Variants in HNRNPM observed in about 807,000 individuals in gnomAD.
HNRNPM encodes the protein CEA receptor.
HNRNPM carries 11 observed loss-of-function variants against 73.1 expected under a neutral mutation model. That is an observed-to-expected ratio of 0.15 (90% confidence interval 0.09 to 0.25). HNRNPM has a LOEUF of 0.25. HNRNPM is among the 10% of genes least tolerant of loss of function. The pLI, the probability that HNRNPM is intolerant of heterozygous loss-of-function variation, is 1.00. For synonymous variants in HNRNPM, 407 were observed against 355.2 expected (o/e 1.15, Z -1.64); for missense variants, 789 against 1,067.9 (o/e 0.74, Z 3.64).
chr19:8,478,415 AG>A (rs1264783821), intron 12 of HNRNPM, among the ~76,000 whole-genome samples: 1 of 152,000 alleles, frequency 6.6e-6, no homozygotes, highest in Non-Finnish European at 1.5e-5. Context: ...GCATGGGTGG[AG>A]GACTTGAAAG....
At chr19:8,483,091 G>A in intron 12 of HNRNPM, 67 bp from the exon 13 acceptor site, 1 of 993,354 alleles carries the variant, frequency 1.0e-6, no homozygotes, top group Non-Finnish European at 1.6e-6. Flanking sequence ...TCTGGAATCT[G>A]TAATGAGCAC....
chr19:8,474,713 ACT>A (rs1970383055), intron 12 of HNRNPM, among the ~76,000 whole-genome samples: 3 of 104,338 alleles, frequency 2.9e-5, no homozygotes, highest in Non-Finnish European at 5.9e-5. Context: ...TCCTCCACCA[ACT>A]TTTTTTTTTT....
At position 8,485,860 on chromosome 19, in the gene HNRNPM, C is replaced by T; in HGVS notation, c.1432C>T (p.Arg478Cys). 3.7e-6 allele frequency: 6 copies of T among 1,603,052 alleles called. No homozygotes were observed. Among genetic ancestry groups the T allele is most frequent in the Non-Finnish European group, 4.2e-6 (5 of 1,179,480 alleles). ...SIERMGQTMERIGSGVERMGA... is the reference protein window; with the variant it reads ...SIERMGQTMECIGSGVERMGA... The stretch of plus-strand genomic sequence containing the variant: ...TGAGCGCATGGGCCAGACCATGGAG[C>T]GCATTGGCTCTGGCGTGGAGCGCAT... The change falls in exon 14 of 16, where the codon CGC (arginine) becomes TGC (cysteine). Residue 478 changes from arginine (R) to cysteine (C), a missense_variant. Around this residue, in one of 4 missense-constraint regions of HNRNPM, gnomAD observed 604 missense variants for 744.0 expected, o/e 0.81. Transcript: ENST00000325495.
chr19:8,463,380 C>A, intron 3 of HNRNPM, 117 bp from the exon 4 acceptor site: 1 of 1,193,460 alleles, frequency 8.4e-7, no homozygotes, highest in Non-Finnish European at 1.2e-6. Flanking sequence ...AAAAGACTAA[C>A]TTTGTGACAT....
At chr19:8,460,140 A>G (rs2145647009) in intron 2 of HNRNPM, among the ~76,000 whole-genome samples, 1 of 152,284 alleles carries the variant, frequency 6.6e-6, no homozygotes, top group East Asian at 1.9e-4. Flanking sequence ...TGCTCGTTAA[A>G]CTTCACTTCA....
intron 2 of HNRNPM, chr19:8,461,874 G>C (rs1401833879): frequency 6.6e-6 from 1 of 152,458 alleles, no homozygotes; most frequent in East Asian, 1.9e-4. Context: ...GCTGTGTGCA[G>C]GACCAGCTAT....
intron 9 of HNRNPM, among the ~76,000 whole-genome samples, chr19:8,470,575 G>A (rs1970061267): frequency 6.6e-6 from 1 of 152,074 alleles, no homozygotes; most frequent in African/African-American, 2.4e-5. Flanking sequence ...TGATCCACCC[G>A]CCTTGGCCTC....
chr19:8,474,091 G>GT (rs1211052681), intron 11 of HNRNPM, 76 bp from the exon 12 acceptor site: 4 of 1,078,106 alleles, frequency 3.7e-6, no homozygotes, highest in Non-Finnish European at 4.0e-6. Context: ...GTTGAAACAT[G>GT]TGATAGAATT....
intron 9 of HNRNPM, among the ~76,000 whole-genome samples, chr19:8,470,146 C>A (rs1970029767): frequency 6.6e-6 from 1 of 152,198 alleles, no homozygotes; most frequent in African/African-American, 2.4e-5. Context: ...GGTCTCCCGG[C>A]CATTTCGGAG....
intron 2 of HNRNPM, among the ~76,000 whole-genome samples, chr19:8,456,981 T>C (rs1346747152): frequency 2.0e-5 from 3 of 152,134 alleles, no homozygotes; most frequent in Admixed American, 2.0e-4. Context: ...TTAGAATTTC[T>C]GTACAGTACA....
intron 14 of HNRNPM, 87 bp downstream of exon 14, chr19:8,486,492 C>T (rs757240216): frequency 8.2e-5 from 99 of 1,209,506 alleles, no homozygotes; most frequent in African/African-American, 2.6e-4. Context: ...TCAGAGGTGG[C>T]GCCCTTCAAA....
At chr19:8,484,641 TGGCCA>T (rs1971146171) in intron 13 of HNRNPM, among the ~76,000 whole-genome samples, 1 of 152,252 alleles carries the variant, frequency 6.6e-6, no homozygotes, top group Non-Finnish European at 1.5e-5. Context: ...AGGCGCGGTG[TGGCCA>T]GTTACAGAGC....
At chr19:8,455,690 C>T in intron 2 of HNRNPM, 116 bp downstream of exon 2, 1 of 736,560 alleles carries the variant, frequency 1.4e-6, no homozygotes, top group Non-Finnish European at 2.2e-6. Context: ...ATGTTCTTTC[C>T]AGGCTTAAGA....
At chr19:8,447,026 T>C (rs1331964795) in intron 1 of HNRNPM, among the ~76,000 whole-genome samples, 5 of 152,202 alleles carry the variant, frequency 3.3e-5, no homozygotes, top group Non-Finnish European at 7.3e-5. Flanking sequence ...TGCTAGATGA[T>C]AGGGTAAATT....
At chr19:8,467,896 C>A (rs1268405000) in intron 8 of HNRNPM, among the ~76,000 whole-genome samples, 2 of 152,176 alleles carry the variant, frequency 1.3e-5, no homozygotes, top group East Asian at 3.9e-4. Flanking sequence ...GGCGTGGTGG[C>A]ACGCGCCTGT....
intron 15 of HNRNPM, 61 bp from the exon 16 acceptor site, chr19:8,488,630 G>C: frequency 1.3e-6 from 2 of 1,519,656 alleles, no homozygotes; most frequent in Non-Finnish European, 1.8e-6. Flanking sequence ...TTTTGACTCT[G>C]TCCACCAAAA....
intron 1 of HNRNPM, chr19:8,445,742 A>C (rs376499776): frequency 6.6e-6 from 1 of 152,600 alleles, no homozygotes; most frequent in South Asian, 2.1e-4. Flanking sequence ...CCCTGGCTCA[A>C]GTCCCTCGCC....
chr19:8,456,702 C>T lies in HNRNPM; in HGVS notation c.283+1128C>T, dbSNP rs1599762674. On this transcript the variant is annotated intron_variant, in intron 2 of 15. Coordinates refer to ENST00000325495, the MANE Select transcript of HNRNPM (RefSeq NM_005968.5). Reference sequence around the variant, plus strand: ...TGGCACTGCCATCATTGTCCCATCCCTTATTTTGACCATGACATGCAAGAA... The same window carrying T: ...TGGCACTGCCATCATTGTCCCATCCTTTATTTTGACCATGACATGCAAGAA... Among the ~76,000 whole-genome samples, 3 of 152,178 alleles carry T rather than the reference C, an allele frequency of 2.0e-5. No individual in the cohort carries two copies. In the South Asian group the frequency reaches 6.2e-4, roughly 32 times the overall value.
intron 1 of HNRNPM, among the ~76,000 whole-genome samples, chr19:8,447,765 G>C (rs899496938): frequency 6.6e-6 from 1 of 152,092 alleles, no homozygotes; most frequent in Non-Finnish European, 1.5e-5. Context: ...GGCGGCTCAC[G>C]CCTGTAATCT....
Sources: gnomAD v4.1 joint callset for allele counts (sites outside exome capture counted in the v4.1 genomes callset) on GRCh38, gnomAD v4.1.1 for gene constraint, gnomAD v4.1.1 regional missense constraint, MANE v1.5 for transcripts, NCBI Gene and HGNC (gene_info 2026-07-23, HGNC 2026-07-21) for gene names.